MTMR9: variants seen among roughly 807,000 people sequenced by gnomAD.
The protein encoded by MTMR9 is myotubularin-related protein 9.
In MTMR9, 39 loss-of-function variants were observed where a neutral mutation model predicts 69.5. The ratio of observed to expected loss-of-function variants is 0.56; its 90% CI spans 0.43 to 0.73. The LOEUF (loss-of-function observed/expected upper bound fraction) is 0.73. Among genes scored for constraint, MTMR9 ranks in the 30% least tolerant of loss-of-function variants. MTMR9 has a pLI of 0.00. For synonymous variants in MTMR9, 354 were observed against 240.8 expected, an observed-to-expected ratio of 1.47 and a Z score of -4.35; for missense variants, 900 against 671.2, an observed-to-expected ratio of 1.34 and a Z score of -3.77.
downstream of MTMR9, chr8:11,328,160 T>C (rs966525034): frequency 3.0e-5 from 3 of 100,964 alleles, no homozygotes; most frequent in Non-Finnish European, 2.0e-5. Context: ...GTGGGCTTAT[T>C]TGAATTTTTT....
chr8:11,295,063 CTTAA>C, intron 1 of MTMR9, 127 bp from the exon 2 acceptor site: 4 of 529,632 alleles, frequency 7.6e-6, no homozygotes, highest in Non-Finnish European at 1.3e-5. Context: ...TTGCTTCTTC[CTTAA>C]TTAGACTGAG....
chr8:11,330,736 A>G (rs1801181667), downstream of MTMR9, among the ~76,000 whole-genome samples: 1 of 152,068 alleles, frequency 6.6e-6, no homozygotes, highest in Non-Finnish European at 1.5e-5. Context: ...GTTAAGAGTC[A>G]TCACCACTCC....
chr8:11,313,853 G>A (rs943665932), intron 6 of MTMR9, among the ~76,000 whole-genome samples: 1 of 152,186 alleles, frequency 6.6e-6, no homozygotes, highest in African/African-American at 2.4e-5. Flanking sequence ...AATATTGTGA[G>A]CATTACTAAA....
chr8:11,336,918 G>A, the MTMR9 span, among the ~76,000 whole-genome samples: 2 of 152,184 alleles, frequency 1.3e-5, no homozygotes, highest in African/African-American at 4.8e-5. Flanking sequence ...TGGAAAGTCA[G>A]ATAACTCCCA....
At chr8:11,298,720 A>ACCCC (rs1554501121) in intron 2 of MTMR9, 27 of 727,968 alleles carry the variant, frequency 3.7e-5, no homozygotes, top group African/African-American at 1.8e-4. Context: ...TCCCCGCTGC[A>ACCCC]CCCCCCCCCC....
chr8:11,323,887 T>C lies in MTMR9; in HGVS notation c.*1099T>C, dbSNP rs1410599347. ...GAGGGGGAAGTTTATGAATATAATA[T>C]AGCTCTGTGTTTTAAACCTCAGAAA... On this transcript the variant is annotated 3_prime_UTR_variant, in exon 10 of 10. Coordinates refer to ENST00000221086, the MANE Select transcript of MTMR9 (RefSeq NM_015458.4). The C allele has an allele frequency of 2.0e-5, 3 of 152,232 alleles. No homozygotes were observed. Among genetic ancestry groups the C allele is most frequent in the Non-Finnish European group, 2.9e-5 (2 of 68,040 alleles). 9.4% of individuals were successfully genotyped at this position (152,232 alleles called of 1,614,324 possible).
chr8:11,302,281 G>GA (rs1799774432), intron 3 of MTMR9, among the ~76,000 whole-genome samples: 4 of 53,882 alleles, frequency 7.4e-5, no homozygotes, highest in African/African-American at 2.3e-4. Flanking sequence ...AAAAGAGGAA[G>GA]ACAAAAAAAA....
downstream of MTMR9, chr8:11,331,745 G>T (rs367975492): frequency 1.3e-5 from 21 of 1,611,796 alleles, no homozygotes; most frequent in Non-Finnish European, 1.8e-5. Flanking sequence ...ATCGTTCTCT[G>T]CACTTTCCCT....
intron 6 of MTMR9, among the ~76,000 whole-genome samples, chr8:11,313,316 C>T (rs1800279500): frequency 6.6e-6 from 1 of 152,162 alleles, no homozygotes; most frequent in Non-Finnish European, 1.5e-5. Context: ...GGAAATATTG[C>T]AGCTGGTTTG....
downstream of MTMR9, among the ~76,000 whole-genome samples, chr8:11,328,373 T>TGTGTGTG (rs58161499): frequency 6.0e-4 from 78 of 128,974 alleles, no homozygotes; most frequent in Middle Eastern, 7.8e-3. Flanking sequence ...GTGTGTGTGT[T>TGTGTGTG]TGTTACACTG....
At chr8:11,319,862 C>G (rs773447227) in intron 9 of MTMR9, 24 bp downstream of exon 9, 15 of 1,612,706 alleles carry the variant, frequency 9.3e-6, no homozygotes, top group Non-Finnish European at 4.2e-6. Context: ...CCTTTGCAAA[C>G]TTCTTAACGG....
chr8:11,314,540 A>G (rs945135993), intron 6 of MTMR9, among the ~76,000 whole-genome samples: 3 of 152,228 alleles, frequency 2.0e-5, no homozygotes, highest in Admixed American at 6.5e-5. Context: ...AGTTTTGATG[A>G]GAAGAGGCTT....
At position 11,325,262 on chromosome 8, in the gene MTMR9, T is replaced by C. The variant is rs1203291418; in HGVS notation, c.*2474T>C. On this transcript the variant is annotated 3_prime_UTR_variant, in exon 10 of 10. Transcript: ENST00000221086. ...CCAAAAACGGTCAGAAATAAGTCCATTATCAATATAATTTGAAGAAGATTT... is the reference window on the plus strand; with the variant it reads ...CCAAAAACGGTCAGAAATAAGTCCACTATCAATATAATTTGAAGAAGATTT... 2.0e-5 allele frequency: 3 copies of C among 152,236 alleles called. No homozygotes were observed. Among genetic ancestry groups the C allele is most frequent in the Admixed American group, 6.5e-5 (1 of 15,290 alleles). The allele number at this position is 152,236 out of a possible 1,614,324, so 9.4% of individuals were successfully genotyped here.
intron 3 of MTMR9, chr8:11,300,918 T>C (rs1049688665): frequency 2.0e-5 from 3 of 152,210 alleles, no homozygotes; most frequent in Non-Finnish European, 4.4e-5. Flanking sequence ...GACCATTAGA[T>C]AGTAGATATT....
intron 2 of MTMR9, among the ~76,000 whole-genome samples, chr8:11,295,848 A>G (rs1330835728): frequency 1.3e-5 from 2 of 152,224 alleles, no homozygotes; most frequent in African/African-American, 2.4e-5. Flanking sequence ...TACAGTGAGT[A>G]GGTAGGGACT....
At chr8:11,315,453 G>T (rs887382016) in intron 7 of MTMR9, among the ~76,000 whole-genome samples, 2 of 152,292 alleles carry the variant, frequency 1.3e-5, no homozygotes, top group Non-Finnish European at 2.9e-5. Context: ...TGCTCGTGCT[G>T]CTCCACCCTG....
At chr8:11,308,464 C>T (rs1262742723) in intron 5 of MTMR9, among the ~76,000 whole-genome samples, 2 of 152,178 alleles carry the variant, frequency 1.3e-5, no homozygotes, top group South Asian at 4.1e-4. Context: ...AAATCAGGTA[C>T]TGCGTGAGGC....
downstream of MTMR9, among the ~76,000 whole-genome samples, chr8:11,328,853 C>G (rs1476264430): frequency 6.6e-6 from 1 of 152,172 alleles, no homozygotes; most frequent in Non-Finnish European, 1.5e-5. Context: ...CTGATATGAT[C>G]CATCCAGAAA....
At chr8:11,313,772 T>G (rs1800298531) in intron 6 of MTMR9, among the ~76,000 whole-genome samples, 1 of 152,258 alleles carries the variant, frequency 6.6e-6, no homozygotes, top group East Asian at 1.9e-4. Context: ...CCCCAAAACT[T>G]GTAGAAGTAA....
Sources: gnomAD v4.1 joint callset for allele counts (sites outside exome capture counted in the v4.1 genomes callset) on GRCh38, gnomAD v4.1.1 for gene constraint, MANE v1.5 for transcripts, NCBI Gene and HGNC (gene_info 2026-07-23, HGNC 2026-07-21) for gene names.